The following MIA2 variants were observed in gnomAD, a reference collection of about 807,000 sequenced individuals.
MIA2 encodes melanoma inhibitory activity protein 2.
Under a neutral mutation model 167.8 loss-of-function variants are expected in MIA2, and 127 were observed. The ratio of observed to expected loss-of-function variants is 0.76; its 90% confidence interval spans 0.66 to 0.88. The LOEUF (loss-of-function observed/expected upper bound fraction) is 0.88, where lower values mean the gene tolerates loss of function less well. MIA2 is among the 40% of genes least tolerant of loss of function. The pLI is 0.00. For missense variants in MIA2, 1,690 were observed against 1,624.7 expected, an observed-to-expected ratio of 1.04 and a Z score of -0.69; for synonymous variants, 552 against 541.9, an observed-to-expected ratio of 1.02 and a Z score of -0.26.
chr14:39,267,520 A>C (rs1308379727), intron 6 of MIA2: 2 of 1,613,430 alleles, frequency 1.2e-6, no homozygotes, highest in Admixed American at 1.7e-5. Flanking sequence ...GGAGCTACGC[A>C]GGGTGAGCCC....
intron 21 of MIA2, 35 bp downstream of exon 21, chr14:39,315,753 A>T: frequency 7.0e-7 from 1 of 1,431,540 alleles, no homozygotes; most frequent in Non-Finnish European, 9.6e-7. Context: ...TCTTTTGTCA[A>T]ATTGTATGTT....
chr14:39,253,057 T>C lies in MIA2; in HGVS notation c.1787-14T>C. On this transcript the variant is annotated splice_polypyrimidine_tract_variant and intron_variant, in intron 5 of 28. Transcript: ENST00000640607. ...TAATATCATGCTAACATATTTTTAT[T>C]TATAAATCAACAGAAGATGCTTCTG... The C allele has an allele frequency of 6.3e-7, 1 of 1,575,604 alleles. No individual in the cohort carries two copies. The highest frequency in any genetic ancestry group is 1.2e-5 in the South Asian group (1 of 85,900).
intron 25 of MIA2, among the ~76,000 whole-genome samples, chr14:39,332,077 C>G (rs183136192): frequency 6.6e-6 from 1 of 152,296 alleles, no homozygotes; most frequent in Admixed American, 6.5e-5. Flanking sequence ...TCAGGTACAC[C>G]AATCAAATAT....
chr14:39,237,106 C>T, intron 2 of MIA2, 51 bp downstream of exon 2: 2 of 1,588,286 alleles, frequency 1.3e-6, no homozygotes, highest in East Asian at 4.5e-5. Context: ...CCAACTTGCA[C>T]AAAGATTCCT....
At chr14:39,290,294 T>G (rs139394103) in intron 9 of MIA2, among the ~76,000 whole-genome samples, 1 of 152,200 alleles carries the variant, frequency 6.6e-6, no homozygotes, top group African/African-American at 2.4e-5. Flanking sequence ...TCTCACTGTT[T>G]TGATAGCTCT....
At chr14:39,305,420 T>G (rs2063175329) in intron 17 of MIA2, among the ~76,000 whole-genome samples, 1 of 152,234 alleles carries the variant, frequency 6.6e-6, no homozygotes, top group South Asian at 2.1e-4. Flanking sequence ...TAATACAGTT[T>G]CCTGGCAAAT....
intron 19 of MIA2, 138 bp downstream of exon 19, chr14:39,313,579 T>G (rs1246914135): frequency 2.1e-6 from 1 of 481,742 alleles, no homozygotes; most frequent in African/African-American, 2.1e-5. Context: ...AAAAATAATA[T>G]ATTTTTGTCT....
intron 23 of MIA2, chr14:39,385,700 G>A: frequency 1.0e-6 from 1 of 981,856 alleles, no homozygotes; most frequent in Admixed American, 1.7e-5. Context: ...GCTGCTAACA[G>A]TGGTAACAGA....
intron 6 of MIA2, among the ~76,000 whole-genome samples, chr14:39,258,687 C>T (rs551209641): frequency 2.0e-5 from 3 of 152,300 alleles, no homozygotes; most frequent in South Asian, 2.1e-4. Flanking sequence ...GAATTTTCAG[C>T]GTTTTTGTGC....
At chr14:39,303,866 A>G (rs1034952532) in intron 16 of MIA2, among the ~76,000 whole-genome samples, 2 of 151,522 alleles carry the variant, frequency 1.3e-5, no homozygotes, top group African/African-American at 4.9e-5. Context: ...CCTATATCCT[A>G]TTTTAAGTAA....
chr14:39,320,184 TTA>T (rs1380334858), intron 23 of MIA2, among the ~76,000 whole-genome samples: 2 of 152,154 alleles, frequency 1.3e-5, no homozygotes, highest in African/African-American at 2.4e-5. Context: ...GGTTTGAATA[TTA>T]TACCAGCTAC....
intron 6 of MIA2, chr14:39,267,652 G>A: frequency 9.1e-7 from 1 of 1,096,896 alleles, no homozygotes; most frequent in East Asian, 2.6e-5. Context: ...CTCGTCTGCT[G>A]CCCGGCTCCC....
At chr14:39,357,449 T>G (rs1430648296) in intron 23 of MIA2, among the ~76,000 whole-genome samples, 2 of 152,232 alleles carry the variant, frequency 1.3e-5, no homozygotes, top group Non-Finnish European at 2.9e-5. Flanking sequence ...TGTATGTCTC[T>G]GCATGTGAGA....
intron 6 of MIA2, among the ~76,000 whole-genome samples, chr14:39,268,709 G>C (rs2056520078): frequency 6.6e-6 from 1 of 152,154 alleles, no homozygotes; most frequent in Admixed American, 6.6e-5. Context: ...TTAGATGTTA[G>C]GGAAACAAAA....
chr14:39,359,108 G>A (rs1430838867), intron 23 of MIA2, among the ~76,000 whole-genome samples: 1 of 152,184 alleles, frequency 6.6e-6, no homozygotes, highest in Non-Finnish European at 1.5e-5. Flanking sequence ...AGTCTGCAGA[G>A]GTTTCTGCTG....
intron 4 of MIA2, among the ~76,000 whole-genome samples, chr14:39,250,451 G>T (rs1241754749): frequency 6.6e-6 from 1 of 151,814 alleles, no homozygotes; most frequent in Non-Finnish European, 1.5e-5. Flanking sequence ...ATCCTAGCAC[G>T]TTGAGAGGCC....
At chr14:39,299,087 A>G (rs963034800) in intron 13 of MIA2, among the ~76,000 whole-genome samples, 3 of 149,674 alleles carry the variant, frequency 2.0e-5, no homozygotes, top group African/African-American at 4.9e-5. Context: ...AAAAAAAAAA[A>G]AAAAAAAAAA....
intron 6 of MIA2, among the ~76,000 whole-genome samples, chr14:39,275,499 T>C (rs918318959): frequency 3.3e-5 from 5 of 152,228 alleles, no homozygotes; most frequent in Non-Finnish European, 7.3e-5. Flanking sequence ...AAAATGTGAT[T>C]GAATCTAAGA....
intron 17 of MIA2, among the ~76,000 whole-genome samples, chr14:39,305,664 G>A (rs1385006253): frequency 2.6e-5 from 4 of 152,202 alleles, no homozygotes; most frequent in Non-Finnish European, 5.9e-5. Context: ...GGCCAGGCGC[G>A]GCGGCTCACG....
Sources: gnomAD v4.1 joint callset for allele counts (sites outside exome capture counted in the v4.1 genomes callset) on GRCh38, gnomAD v4.1.1 for gene constraint, MANE v1.5 for transcripts, NCBI Gene and HGNC (gene_info 2026-07-23, HGNC 2026-07-21) for gene names.